Variants in SLC43A1 observed in about 807,000 individuals in gnomAD.
SLC43A1 encodes the protein solute carrier family 43 member 1, also known as large neutral amino acids transporter small subunit 3.
A neutral mutation model predicts 59.5 loss-of-function variants in SLC43A1; 31 were observed. That is an observed-to-expected ratio of 0.52 (90% CI 0.39 to 0.70). The LOEUF (loss-of-function observed/expected upper bound fraction) is 0.70. Ranked by LOEUF, SLC43A1 falls within the 30% of genes least tolerant of loss-of-function variation. SLC43A1 has a pLI of 0.00. For synonymous variants in SLC43A1, 259 were observed against 290.9 expected (o/e 0.89, Z 1.12); for missense variants, 598 against 717.8 (o/e 0.83, Z 1.91).
At chr11:57,488,168 G>C (rs998525272) in intron 13 of SLC43A1, among the ~76,000 whole-genome samples, 5 of 152,194 alleles carry the variant, frequency 3.3e-5, no homozygotes, top group Non-Finnish European at 7.3e-5. Flanking sequence ...GAGACTAAAG[G>C]CTGCCACAAT....
At chr11:57,506,066 T>G (rs894929170) in intron 2 of SLC43A1, among the ~76,000 whole-genome samples, 2 of 152,030 alleles carry the variant, frequency 1.3e-5, no homozygotes, top group Non-Finnish European at 2.9e-5. Flanking sequence ...ACCTTAGGGG[T>G]TGGGTGTGGT....
At chr11:57,506,787 AAAT>A (rs1944404978) in intron 2 of SLC43A1, among the ~76,000 whole-genome samples, 1 of 152,222 alleles carries the variant, frequency 6.6e-6, no homozygotes, top group Non-Finnish European at 1.5e-5. Flanking sequence ...GGGTTAATAA[AAAT>A]AATACCTGTA....
intron 2 of SLC43A1, 139 bp from the exon 3 acceptor site, chr11:57,501,468 T>C: frequency 1.3e-6 from 1 of 768,456 alleles, no homozygotes; most frequent in Non-Finnish European, 2.1e-6. Context: ...ACATCTCCTC[T>C]GATGGGGCTG....
chr11:57,500,012 G>C (rs929832403), intron 5 of SLC43A1, among the ~76,000 whole-genome samples: 1 of 152,150 alleles, frequency 6.6e-6, no homozygotes, highest in Non-Finnish European at 1.5e-5. Flanking sequence ...AAACCACCCA[G>C]TCAGGCAGCC....
intron 6 of SLC43A1, 115 bp from the exon 7 acceptor site, chr11:57,496,279 C>T (rs1944083870): frequency 8.2e-7 from 1 of 1,224,866 alleles, no homozygotes; most frequent in Non-Finnish European, 1.1e-6. Context: ...TGTCCTTGTG[C>T]CCAATTTGCA....
At chr11:57,493,309 A>G (rs1943988572) in intron 8 of SLC43A1, among the ~76,000 whole-genome samples, 1 of 152,140 alleles carries the variant, frequency 6.6e-6, no homozygotes, top group Non-Finnish European at 1.5e-5. Context: ...CAAACTGCAC[A>G]CCGTTTTGCA....
chr11:57,497,565 T>C (rs1378014679), intron 6 of SLC43A1, among the ~76,000 whole-genome samples, 188 bp downstream of exon 6: 1 of 152,142 alleles, frequency 6.6e-6, no homozygotes, highest in African/African-American at 2.4e-5. Flanking sequence ...AGAAAAAGAA[T>C]CAGAGGCAGG....
intron 13 of SLC43A1, among the ~76,000 whole-genome samples, chr11:57,488,473 G>C (rs1239410394): frequency 2.0e-5 from 3 of 152,186 alleles, no homozygotes; most frequent in Non-Finnish European, 4.4e-5. Context: ...TTGTCATTTT[G>C]TCATCATTAT....
chr11:57,510,989 A>T (rs75222115), intron 2 of SLC43A1, among the ~76,000 whole-genome samples: 3 of 151,382 alleles, frequency 2.0e-5, no homozygotes, highest in Non-Finnish European at 4.4e-5. Flanking sequence ...TCTCAAAAAT[A>T]AAAAAAAAAT....
At chr11:57,490,224 G>A (rs1482581571) in intron 11 of SLC43A1, among the ~76,000 whole-genome samples, 3 of 151,772 alleles carry the variant, frequency 2.0e-5, no homozygotes, top group African/African-American at 7.3e-5. Context: ...CAGGAGAATC[G>A]CTTGAACCTG....
intron 13 of SLC43A1, among the ~76,000 whole-genome samples, chr11:57,487,445 T>C (rs1029624175): frequency 7.2e-5 from 11 of 152,148 alleles, no homozygotes; most frequent in Non-Finnish European, 1.6e-4. Context: ...TATTGGCAAG[T>C]GGCTCAAACT....
In SLC43A1 at chr11:57,514,836, A is replaced by G; in HGVS notation, c.-14+608T>C. 1 of 985,242 alleles carries G rather than the reference A, an allele frequency of 1.0e-6. No individual in the cohort carries two copies. Among genetic ancestry groups the G allele is most frequent in the Non-Finnish European group, 1.2e-6 (1 of 829,952 alleles). 61.0% of individuals were successfully genotyped at this position (985,242 alleles called of 1,614,324 possible). A position where few individuals can be genotyped will look rare whatever the true frequency, so the allele number is the denominator to read the frequency against. On this transcript the variant is annotated intron_variant, in intron 1 of 14. Transcript: ENST00000278426. The surrounding 1 kb of genome is among the most constrained non-coding windows in gnomAD (Gnocchi z 5.5). ...CCTCGGAACCCGCTTGCCCCCCTCC[A>G]GCCCCGGGAGGGGGCTCGGACTTCG...
chr11:57,488,644 G>A (rs2135146623), intron 13 of SLC43A1, among the ~76,000 whole-genome samples: 1 of 152,330 alleles, frequency 6.6e-6, no homozygotes, highest in East Asian at 1.9e-4. Context: ...GGTGGGCATG[G>A]AGGGGAGGCC....
chr11:57,491,019 T>C (rs1483087055), intron 11 of SLC43A1, among the ~76,000 whole-genome samples: 4 of 152,220 alleles, frequency 2.6e-5, no homozygotes, highest in African/African-American at 7.2e-5. Flanking sequence ...AAGTGCACAG[T>C]CAGCACTCTG....
chr11:57,511,810 T>G (rs962281632), intron 2 of SLC43A1, among the ~76,000 whole-genome samples: 9 of 152,212 alleles, frequency 5.9e-5, no homozygotes, highest in Non-Finnish European at 8.8e-5. Flanking sequence ...TATTACAAGA[T>G]TCCATTTAAA....
At chr11:57,490,646 CCTGA>C (rs1206899374) in intron 11 of SLC43A1, among the ~76,000 whole-genome samples, 2 of 152,206 alleles carry the variant, frequency 1.3e-5, no homozygotes, top group African/African-American at 2.4e-5. Flanking sequence ...TGGCTGACAG[CCTGA>C]CTATGTCTTC....
chr11:57,491,536 G>C (rs1943901780), intron 10 of SLC43A1, 55 bp downstream of exon 10: 1 of 1,609,812 alleles, frequency 6.2e-7, no homozygotes, highest in Non-Finnish European at 8.5e-7. Flanking sequence ...CGCCCCCTGA[G>C]AAGCGGGTTG....
Position 57,514,283 on chromosome 11 carries a change from G to T in SLC43A1, c.-13-159C>A. 2 of 812,692 alleles carry T rather than the reference G, an allele frequency of 2.5e-6. No individual in the cohort carries two copies. The highest frequency in any genetic ancestry group is 3.7e-6 in the Non-Finnish European group (2 of 533,924). 50.3% of individuals were successfully genotyped at this position (812,692 alleles called of 1,614,324 possible). A position where few individuals can be genotyped will look rare whatever the true frequency, so the allele number is the denominator to read the frequency against. On this transcript the variant is annotated intron_variant, in intron 1 of 14. Transcript: ENST00000278426. This position sits in a 1 kb window ranked among gnomAD's most constrained non-coding sequence, Gnocchi z 5.5. ...CTTCCCAGCCGGTGCCAAGGAGCTG[G>T]CTCCGCGCGCACTAGCAGTGCCAGA...
At chr11:57,500,695 C>T in intron 5 of SLC43A1, 84 bp downstream of exon 5, 2 of 1,196,124 alleles carry the variant, frequency 1.7e-6, no homozygotes, top group South Asian at 1.2e-5. Context: ...TCCCCCAGCC[C>T]ATTCATACTG....
Sources: allele counts gnomAD v4.1 joint callset (sites outside exome capture counted in the v4.1 genomes callset), GRCh38; gene constraint gnomAD v4.1.1; non-coding constraint Gnocchi (gnomAD v3.1); transcripts MANE v1.5; gene names NCBI Gene and HGNC (gene_info 2026-07-23, HGNC 2026-07-21).